Variants in ZNF569 observed in about 807,000 individuals in gnomAD.
ZNF569 encodes the protein DNA-binding protein.
ZNF569 carries 38 observed loss-of-function variants against 56.3 expected under a neutral mutation model. The ratio of observed to expected loss-of-function variants is 0.68; its 90% CI spans 0.52 to 0.88. ZNF569 has a LOEUF of 0.88. Among genes scored for constraint, ZNF569 ranks in the 40% least tolerant of loss-of-function variants. ZNF569 has a pLI of 0.00. For synonymous variants in ZNF569, 241 were observed against 262.9 expected (o/e 0.92, Z 0.81); for missense variants, 666 against 809.2 (o/e 0.82, Z 2.15).
At chr19:37,426,072 C>T in intron 4 of ZNF569, 109 bp from the exon 5 acceptor site, 1 of 1,361,194 alleles carries the variant, frequency 7.3e-7, no homozygotes, top group Non-Finnish European at 1.0e-6. Context: ...GAAAATGTGG[C>T]TTCGGGGGTT....
intron 2 of ZNF569, among the ~76,000 whole-genome samples, chr19:37,457,645 C>T (rs1180711730): frequency 7.3e-6 from 1 of 137,920 alleles, no homozygotes; most frequent in African/African-American, 2.8e-5. Context: ...AATGAGAACA[C>T]TTGGACACAG....
intron 2 of ZNF569, among the ~76,000 whole-genome samples, chr19:37,447,031 C>T (rs926940467): frequency 3.3e-5 from 5 of 152,070 alleles, no homozygotes; most frequent in African/African-American, 1.2e-4. Flanking sequence ...ATTAGGGAAA[C>T]GCAAACCATA....
At chr19:37,445,081 T>C (rs2041470403) in intron 2 of ZNF569, 117 bp from the exon 3 acceptor site, 3 of 754,430 alleles carry the variant, frequency 4.0e-6, no homozygotes, top group Admixed American at 6.1e-5. Flanking sequence ...CTATCAGAAA[T>C]GCCAAGAATA....
chr19:37,417,027 C>G (rs377152929), intron 5 of ZNF569, among the ~76,000 whole-genome samples: 2 of 152,062 alleles, frequency 1.3e-5, no homozygotes, highest in African/African-American at 4.8e-5. Flanking sequence ...CCATGCGATA[C>G]GACTCGTGTT....
At chr19:37,467,546 A>C, upstream of ZNF569, 1 of 324,562 alleles carries the variant, frequency 3.1e-6, no homozygotes, top group African/African-American at 2.1e-5. Flanking sequence ...CAGGTTCGCA[A>C]GGTCCGTGAA....
rs1221595938 is a variant in ZNF569, at chr19:37,411,211, C to A, written c.*1386G>T. On this transcript the variant is annotated 3_prime_UTR_variant, in exon 6 of 6. Coordinates refer to ENST00000316950, the MANE Select transcript of ZNF569 (RefSeq NM_152484.3). The stretch of plus-strand genomic sequence containing the variant: ...TTACAGATAAATATAACAACTCCCA[C>A]CAAACCTTTCCCACATCCCAAAAGG... 1 of 152,194 alleles carries A rather than the reference C, an allele frequency of 6.6e-6. No individual in the cohort carries two copies. The highest frequency in any genetic ancestry group is 1.5e-5 in the Non-Finnish European group (1 of 68,012). The allele number at this position is 152,194 out of a possible 1,614,324, so 9.4% of individuals were successfully genotyped here.
intron 3 of ZNF569, among the ~76,000 whole-genome samples, chr19:37,430,622 G>A (rs565638898): frequency 6.6e-6 from 1 of 151,862 alleles, no homozygotes; most frequent in East Asian, 1.9e-4. Flanking sequence ...GGGAAAGAGG[G>A]CCCAATAGAA....
rs752488454 is a variant in ZNF569, at chr19:37,426,254, A to G, written c.140T>C (p.Val47Ala). ...ATTATATAGTAAATTACTCTTACCT[A>G]CTGTGATTAAGTTGTTATAGTTTTC... ...MLENYNNLIT[V>A]GYPFTKPDVI... The change falls in exon 4 of 6, where the codon GTA becomes GCA. Residue 47 changes from valine (V) to alanine (A), a missense_variant and splice_region_variant. By Grantham distance (64) the Val-to-Ala change is moderately conservative. Transcript: ENST00000316950. The G allele has an allele frequency of 1.1e-5, 17 of 1,608,374 alleles. No homozygotes were observed. The highest frequency in any genetic ancestry group is 1.3e-5 in the African/African-American group (1 of 74,688).
At chr19:37,463,655 A>G (rs1164098228) in intron 2 of ZNF569, among the ~76,000 whole-genome samples, 1 of 152,340 alleles carries the variant, frequency 6.6e-6, no homozygotes, top group East Asian at 1.9e-4. Flanking sequence ...AGCCTCAAGC[A>G]GGTCCTTCCA....
At chr19:37,420,239 C>G (rs551063079) in intron 5 of ZNF569, among the ~76,000 whole-genome samples, 3 of 151,972 alleles carry the variant, frequency 2.0e-5, no homozygotes, top group Non-Finnish European at 4.4e-5. Flanking sequence ...CTGCCCACCT[C>G]GGCCTCCCAA....
At position 37,412,494 on chromosome 19, in the gene ZNF569, T is replaced by C; in HGVS notation, c.*103A>G. 7.1e-7 allele frequency: 1 copy of C among 1,407,484 alleles called. No individual in the cohort carries two copies. The highest frequency in any genetic ancestry group is 9.3e-7 in the Non-Finnish European group (1 of 1,080,742). 87.2% of individuals were successfully genotyped at this position (1,407,484 alleles called of 1,614,324 possible). A position where few individuals can be genotyped will look rare whatever the true frequency, so the allele number is the denominator to read the frequency against. ...AATTTGTGGCTTTTTCAGAAGGCTA[T>C]CCCACATTCATAGTTTTCTACTCTG... On this transcript the variant is annotated 3_prime_UTR_variant, in exon 6 of 6. Coordinates refer to ENST00000316950, the MANE Select transcript of ZNF569 (RefSeq NM_152484.3).
Position 37,413,326 on chromosome 19 carries a change from C to T in ZNF569, c.1332G>A (p.Gly444=), listed in dbSNP as rs769474374. 1.2e-6 allele frequency: 2 copies of T among 1,606,926 alleles called. No homozygotes were observed. Among genetic ancestry groups the T allele is most frequent in the Non-Finnish European group, 1.7e-6 (2 of 1,177,810 alleles). ...GATTTGACATCTGTATAAAAGCTTT[C>T]CCACATTCATTACACTCATAAGGTT... The part of the protein sequence containing the change: ...REKPYECNEC[G]KAFIQMSNLV... Residue 444 remains glycine (G), a synonymous_variant, in exon 6 of 6, where the codon GGG becomes GGA. Coordinates refer to ENST00000316950, the MANE Select transcript of ZNF569 (RefSeq NM_152484.3).
chr19:37,443,488 A>C (rs936474618), intron 3 of ZNF569, among the ~76,000 whole-genome samples: 1 of 152,236 alleles, frequency 6.6e-6, no homozygotes, highest in Non-Finnish European at 1.5e-5. Context: ...TATTCACAGA[A>C]TATCAAGTGT....
chr19:37,440,802 A>T (rs1282949329), intron 3 of ZNF569, among the ~76,000 whole-genome samples: 1 of 152,210 alleles, frequency 6.6e-6, no homozygotes, highest in African/African-American at 2.4e-5. Flanking sequence ...TTTCTTAGGT[A>T]CTCTGCCCTA....
At chr19:37,453,357 C>CT (rs1250990898) in intron 2 of ZNF569, among the ~76,000 whole-genome samples, 1 of 152,118 alleles carries the variant, frequency 6.6e-6, no homozygotes, top group East Asian at 1.9e-4. Flanking sequence ...CAGAATTTGT[C>CT]TGTGAATTGT....
intron 2 of ZNF569, among the ~76,000 whole-genome samples, chr19:37,464,760 C>T (rs1400760211): frequency 6.6e-6 from 1 of 152,154 alleles, no homozygotes; most frequent in Non-Finnish European, 1.5e-5. Flanking sequence ...TTAAGCAACA[C>T]AATTGTAGCT....
chr19:37,461,455 C>T (rs146336704), intron 2 of ZNF569, among the ~76,000 whole-genome samples: 4,618 of 151,900 alleles, frequency 0.03, 213 homozygotes, highest in African/African-American at 0.097. Flanking sequence ...TACAGGTGTG[C>T]GCCATCATGC....
chr19:37,448,718 C>T (rs1158813473), intron 2 of ZNF569, among the ~76,000 whole-genome samples: 1 of 151,940 alleles, frequency 6.6e-6, no homozygotes, highest in Non-Finnish European at 1.5e-5. Context: ...CGCCCGCAAC[C>T]ACGCCCGGCT....
At chr19:37,424,994 C>T (rs2041102004) in intron 5 of ZNF569, among the ~76,000 whole-genome samples, 1 of 151,600 alleles carries the variant, frequency 6.6e-6, no homozygotes, top group Non-Finnish European at 1.5e-5. Context: ...GTGGCACGTG[C>T]CTGTAGTCCC....
Sources: gnomAD v4.1 joint callset for allele counts (sites outside exome capture counted in the v4.1 genomes callset) on GRCh38, gnomAD v4.1.1 for gene constraint, MANE v1.5 for transcripts, NCBI Gene and HGNC (gene_info 2026-07-23, HGNC 2026-07-21) for gene names.